The following CASZ1 variants were observed in gnomAD, a reference collection of about 807,000 sequenced individuals.
CASZ1 encodes zinc finger protein castor homolog 1.
A neutral mutation model predicts 135.2 loss-of-function variants in CASZ1; 28 were observed. The ratio of observed to expected loss-of-function variants is 0.21; its 90% confidence interval spans 0.15 to 0.28. The LOEUF (loss-of-function observed/expected upper bound fraction) is 0.28. CASZ1 is among the 10% of genes least tolerant of loss of function. The pLI is 1.00. For missense variants in CASZ1, 2,161 were observed against 2,453.3 expected (o/e 0.88, Z 2.52); for synonymous variants, 1,068 against 1,073.4 (o/e 0.99, Z 0.10).
Position 10,666,511 on chromosome 1 carries a change from C to T in CASZ1, c.17-940G>A, listed in dbSNP as rs1008375163. ...AGGCCTGGCCAGCCCACTTCCCAGC[C>T]CCCAGGAGCTCCAGCAGGTGCAGGG... On this transcript the variant is annotated intron_variant, in intron 4 of 20. Coordinates refer to ENST00000377022, the MANE Select transcript of CASZ1 (RefSeq NM_001079843.3). The surrounding 1 kb of genome is among the most constrained non-coding windows in gnomAD (Gnocchi z 5.2). 1.3e-5 allele frequency among the ~76,000 whole-genome samples: 2 copies of T among 152,210 alleles called. No individual in the cohort carries two copies. Among genetic ancestry groups the T allele is most frequent in the African/African-American group, 2.4e-5 (1 of 41,464 alleles).
rs1234283872 is a variant in CASZ1, at chr1:10,756,483, A to T, written c.-77+4218T>A. ...GGCTGTGACAGCTTCACGCTCGCCAACCAGGCCTCTGGCTTGCTCCAGGGC... is the reference window on the plus strand; with the variant it reads ...GGCTGTGACAGCTTCACGCTCGCCATCCAGGCCTCTGGCTTGCTCCAGGGC... On this transcript the variant is annotated intron_variant, in intron 2 of 20. Transcript: ENST00000377022. The surrounding 1 kb of genome is among the most constrained non-coding windows in gnomAD (Gnocchi z 5.9). Among the ~76,000 whole-genome samples, 1 of 152,210 alleles carries T rather than the reference A, an allele frequency of 6.6e-6. No homozygotes were observed. The highest frequency in any genetic ancestry group is 1.5e-5 in the Non-Finnish European group (1 of 68,038).
intron 2 of CASZ1, among the ~76,000 whole-genome samples, chr1:10,754,926 A>G (rs1422345778): frequency 1.3e-5 from 2 of 152,264 alleles, no homozygotes; most frequent in African/African-American, 4.8e-5. Context: ...AGAAGAAACT[A>G]GTGTTTAATT....
chr1:10,728,005 G>A (rs977835939), intron 2 of CASZ1, among the ~76,000 whole-genome samples: 4 of 152,132 alleles, frequency 2.6e-5, no homozygotes, highest in African/African-American at 9.7e-5. Context: ...CGTGAAGAAC[G>A]AGGGGTCCTA....
intron 4 of CASZ1, among the ~76,000 whole-genome samples, chr1:10,674,638 G>C (rs1307316572): frequency 6.6e-6 from 1 of 152,178 alleles, no homozygotes; most frequent in East Asian, 1.9e-4. Flanking sequence ...AGAGCACACG[G>C]TGCCTCCCTG....
rs1031783682 is a variant in CASZ1, at chr1:10,767,888, G to A, written c.-233-7031C>T. On this transcript the variant is annotated intron_variant, in intron 1 of 20. Coordinates refer to ENST00000377022, the MANE Select transcript of CASZ1 (RefSeq NM_001079843.3). This position sits in a 1 kb window ranked among gnomAD's most constrained non-coding sequence, Gnocchi z 4.2. The stretch of plus-strand genomic sequence containing the variant: ...GGGCCACGACCCTGGCATCACCCCA[G>A]TCCCCCAACGCCCACTCCAACCCTA... Among the ~76,000 whole-genome samples, 3 of 151,860 alleles carry A rather than the reference G, an allele frequency of 2.0e-5. No homozygotes were observed. The highest frequency in any genetic ancestry group is 7.3e-5 in the African/African-American group (3 of 41,320).
chr1:10,733,014 G>A (rs1334446241), intron 2 of CASZ1, among the ~76,000 whole-genome samples: 1 of 152,138 alleles, frequency 6.6e-6, no homozygotes, highest in African/African-American at 2.4e-5. Flanking sequence ...TGTTCTGCCT[G>A]GGAAAGCCCA....
intron 2 of CASZ1, among the ~76,000 whole-genome samples, chr1:10,736,147 G>A (rs1360131938): frequency 6.6e-6 from 1 of 152,152 alleles, no homozygotes; most frequent in Non-Finnish European, 1.5e-5. Context: ...TGCCACCCAG[G>A]ACCACTGTGC....
chr1:10,713,977 A>T (rs2100463723), intron 2 of CASZ1, among the ~76,000 whole-genome samples: 1 of 152,340 alleles, frequency 6.6e-6, no homozygotes, highest in Non-Finnish European at 1.5e-5. Context: ...CCAGAGGCAG[A>T]CTGTCCCATT....
Position 10,776,788 on chromosome 1 carries a change from C to A in CASZ1, c.-233-15931G>T, listed in dbSNP as rs1424013531. The stretch of plus-strand genomic sequence containing the variant: ...GGGGTGACGGCTCTATGGGGGCCAA[C>A]CCTCTTGCTCATCTTGGGAGGTGGC... On this transcript the variant is annotated intron_variant, in intron 1 of 20. Coordinates refer to ENST00000377022, the MANE Select transcript of CASZ1 (RefSeq NM_001079843.3). The surrounding 1 kb of genome is among the most constrained non-coding windows in gnomAD (Gnocchi z 4.1). Among the ~76,000 whole-genome samples, 1 of 152,160 alleles carries A rather than the reference C, an allele frequency of 6.6e-6. No homozygotes were observed. The highest frequency in any genetic ancestry group is 1.9e-4 in the East Asian group (1 of 5,198).
rs542982666 is a variant in CASZ1 at position 10,726,748 on chromosome 1, C to T, written c.-76-21204G>A. On this transcript the variant is annotated intron_variant, in intron 2 of 20. Transcript: ENST00000377022. The surrounding 1 kb of genome is among the most constrained non-coding windows in gnomAD (Gnocchi z 5.7). ...CATGAAGATGAGGCCCAGCCAAGGC[C>T]GCTCTGGTCCCTGGGGGGTCCTTGC... Among the ~76,000 whole-genome samples, 45 of 152,324 alleles carry T rather than the reference C, an allele frequency of 3.0e-4. No individual in the cohort carries two copies. The highest frequency in any genetic ancestry group is 1.0e-3 in the African/African-American group (43 of 41,578).
At chr1:10,649,819 G>C (rs2124676825) in intron 13 of CASZ1, 1 of 153,998 alleles carries the variant, frequency 6.5e-6, no homozygotes, top group African/African-American at 2.5e-5. Context: ...AGGGATGGGG[G>C]AACCCCTACG....
intron 2 of CASZ1, among the ~76,000 whole-genome samples, chr1:10,744,971 C>T (rs186065529): frequency 6.2e-4 from 94 of 152,296 alleles, no homozygotes; most frequent in Admixed American, 1.8e-3. Context: ...CCCCAGCAAC[C>T]GGCGAGGAAG....
chr1:10,781,412 G>C (rs1389664848), intron 1 of CASZ1, among the ~76,000 whole-genome samples: 1 of 152,258 alleles, frequency 6.6e-6, no homozygotes. Flanking sequence ...GGAGAACCAA[G>C]ATGGCGCCAG....
rs376410507 is a variant in CASZ1 at position 10,654,404 on chromosome 1, C to G, written c.1838+15G>C. On this transcript the variant is annotated intron_variant, in intron 10 of 20. Transcript: ENST00000377022. ...CGCTTCTGCCCACGAAGGCCCCCACCAGGCTCCCGCTTACCTGCAGTGGAA... is the reference window on the plus strand; with the variant it reads ...CGCTTCTGCCCACGAAGGCCCCCACGAGGCTCCCGCTTACCTGCAGTGGAA... 58 of 1,610,680 alleles carry G rather than the reference C, an allele frequency of 3.6e-5. No individual in the cohort carries two copies. The highest frequency in any genetic ancestry group is 1.7e-4 in the Middle Eastern group (1 of 6,054).
intron 4 of CASZ1, among the ~76,000 whole-genome samples, chr1:10,669,332 G>GT (rs1557490347): frequency 6.6e-6 from 1 of 152,118 alleles, no homozygotes; most frequent in African/African-American, 2.4e-5. Flanking sequence ...CCCCTGCCCC[G>GT]TCCCCTCCTC....
rs868338765 is a variant in CASZ1 at position 10,776,716 on chromosome 1, C to T, written c.-233-15859G>A. Among the ~76,000 whole-genome samples the T allele has an allele frequency of 6.6e-6, 1 of 152,132 alleles. No individual in the cohort carries two copies. The highest frequency in any genetic ancestry group is 6.5e-5 in the Admixed American group (1 of 15,272). On this transcript the variant is annotated intron_variant, in intron 1 of 20. Coordinates refer to ENST00000377022, the MANE Select transcript of CASZ1 (RefSeq NM_001079843.3). The surrounding 1 kb of genome is among the most constrained non-coding windows in gnomAD (Gnocchi z 4.1). ...GAGGGTTGGCTGCATGGCACAGCTG[C>T]GGACTCCAGACGGTGGCAAGAAGCT...
intron 4 of CASZ1, among the ~76,000 whole-genome samples, chr1:10,674,594 G>A (rs980996811): frequency 6.6e-5 from 10 of 152,272 alleles, no homozygotes; most frequent in African/African-American, 2.2e-4. Context: ...CGTTGCTGAG[G>A]GGATGATGTG....
At position 10,774,492 on chromosome 1, in the gene CASZ1, G is replaced by A. The variant is rs571072077; in HGVS notation, c.-233-13635C>T. 3.3e-5 allele frequency among the ~76,000 whole-genome samples: 5 copies of A among 152,150 alleles called. No individual in the cohort carries two copies. The highest frequency in any genetic ancestry group is 1.9e-4 in the East Asian group (1 of 5,136). On this transcript the variant is annotated intron_variant, in intron 1 of 20. Transcript: ENST00000377022. This position sits in a 1 kb window ranked among gnomAD's most constrained non-coding sequence, Gnocchi z 4.4. ...AGGTTGCTGGCCTGTTGCGGGGCTG[G>A]GTTTAGAGTCCTTTGCCTTCTGCAC...
intron 4 of CASZ1, among the ~76,000 whole-genome samples, chr1:10,672,974 G>A (rs948281068): frequency 3.0e-4 from 45 of 152,064 alleles, no homozygotes; most frequent in Admixed American, 2.7e-3. Context: ...GTGGGCTGGC[G>A]GTTCCATTAA....
Sources: allele counts gnomAD v4.1 joint callset (sites outside exome capture counted in the v4.1 genomes callset), GRCh38; gene constraint gnomAD v4.1.1; non-coding constraint Gnocchi (gnomAD v3.1); transcripts MANE v1.5; gene names NCBI Gene and HGNC (gene_info 2026-07-23, HGNC 2026-07-21).